CDH13: variants seen among roughly 807,000 people sequenced by gnomAD.
CDH13 encodes the protein cadherin-13.
A neutral mutation model predicts 63.8 loss-of-function variants in CDH13; 24 were observed. That is an observed-to-expected ratio of 0.38 (90% CI 0.27 to 0.53). CDH13 has a LOEUF of 0.53. Among genes scored for constraint, CDH13 ranks in the 20% least tolerant of loss-of-function variants. The pLI is 0.85. For synonymous variants in CDH13, 503 were observed against 355.3 expected (o/e 1.42, Z -4.67); for missense variants, 1,049 against 903.1 (o/e 1.16, Z -2.07).
At chr16:82,917,047 G>A (rs2042011351) in intron 2 of CDH13, among the ~76,000 whole-genome samples, 1 of 152,174 alleles carries the variant, frequency 6.6e-6, no homozygotes, top group Non-Finnish European at 1.5e-5. Context: ...CAAATAAAAG[G>A]GCATAGCCTT....
At chr16:83,304,291 C>G (rs2089822942) in intron 5 of CDH13, among the ~76,000 whole-genome samples, 1 of 152,010 alleles carries the variant, frequency 6.6e-6, no homozygotes, top group Non-Finnish European at 1.5e-5. Flanking sequence ...CTTGAACCAT[C>G]CACTAAATGG....
intron 5 of CDH13, among the ~76,000 whole-genome samples, chr16:83,332,885 G>GA (rs747876891): frequency 7.9e-5 from 12 of 152,076 alleles, no homozygotes; most frequent in South Asian, 6.2e-4. Context: ...ATACACATAA[G>GA]AAAAAATGTT....
chr16:82,645,029 TGTTTCA>T (rs1488044575), intron 1 of CDH13, among the ~76,000 whole-genome samples: 1 of 152,170 alleles, frequency 6.6e-6, no homozygotes, highest in Admixed American at 6.5e-5. Flanking sequence ...GATTGTAGTG[TGTTTCA>T]GTTTCAGAGG....
intron 1 of CDH13, among the ~76,000 whole-genome samples, chr16:82,632,734 G>A (rs1009366822): frequency 1.4e-4 from 21 of 152,102 alleles, no homozygotes; most frequent in African/African-American, 4.8e-4. Context: ...GATGATTCAA[G>A]CACATTACAT....
chr16:83,016,648 C>A (rs1026736604), intron 2 of CDH13, among the ~76,000 whole-genome samples: 6 of 152,110 alleles, frequency 3.9e-5, no homozygotes, highest in Admixed American at 2.0e-4. Flanking sequence ...GGAAGGAGAT[C>A]CATTGTTGCC....
chr16:83,425,507 G>A (rs561233943), intron 6 of CDH13, among the ~76,000 whole-genome samples: 28 of 152,334 alleles, frequency 1.8e-4, no homozygotes, highest in African/African-American at 6.5e-4. Flanking sequence ...TCCAGTTTAT[G>A]CTACCGCATC....
chr16:82,918,021 C>G (rs1276724108), intron 2 of CDH13, among the ~76,000 whole-genome samples: 1 of 151,682 alleles, frequency 6.6e-6, no homozygotes, highest in Non-Finnish European at 1.5e-5. Context: ...CTGACAATTG[C>G]AAATGTTAAA....
intron 6 of CDH13, among the ~76,000 whole-genome samples, chr16:83,474,895 G>C (rs1352941994): frequency 6.6e-6 from 1 of 152,212 alleles, no homozygotes; most frequent in Admixed American, 6.5e-5. Flanking sequence ...GAGGAGCCAA[G>C]TGTTCAGTGA....
At chr16:83,363,710 G>A (rs577313787) in intron 6 of CDH13, among the ~76,000 whole-genome samples, 21 of 152,320 alleles carry the variant, frequency 1.4e-4, no homozygotes, top group South Asian at 4.1e-4. Flanking sequence ...AGGATGTTCC[G>A]TCAGCCTGGC....
At chr16:82,641,786 A>T (rs1236515526) in intron 1 of CDH13, among the ~76,000 whole-genome samples, 1 of 152,186 alleles carries the variant, frequency 6.6e-6, no homozygotes, top group Non-Finnish European at 1.5e-5. Context: ...GGAATACAGA[A>T]ATGAGTAAGA....
intron 1 of CDH13, among the ~76,000 whole-genome samples, chr16:82,715,145 C>G (rs2032271325): frequency 6.6e-6 from 1 of 151,026 alleles, no homozygotes; most frequent in South Asian, 2.1e-4. Flanking sequence ...TTAACTCACT[C>G]AGTTCATGCC....
chr16:83,528,369 C>T (rs2075008497), intron 7 of CDH13, among the ~76,000 whole-genome samples: 2 of 151,992 alleles, frequency 1.3e-5, no homozygotes, highest in South Asian at 4.2e-4. Context: ...ATTATTTTTC[C>T]ATTAAGTCTT....
intron 1 of CDH13, among the ~76,000 whole-genome samples, chr16:82,775,571 C>T (rs1461614337): frequency 3.3e-5 from 5 of 152,148 alleles, no homozygotes; most frequent in Admixed American, 2.6e-4. Context: ...GGGAAAGGTA[C>T]TCTGTTATCC....
intron 1 of CDH13, among the ~76,000 whole-genome samples, chr16:82,683,276 G>T (rs1914740131): frequency 6.6e-6 from 1 of 152,146 alleles, no homozygotes; most frequent in African/African-American, 2.4e-5. Context: ...CAGGAACCTA[G>T]CCTTCTGGTC....
At chr16:83,364,782 G>A (rs1323951439) in intron 6 of CDH13, among the ~76,000 whole-genome samples, 1 of 152,142 alleles carries the variant, frequency 6.6e-6, no homozygotes, top group Non-Finnish European at 1.5e-5. Context: ...GAAGGAAGAA[G>A]AGAGAGAGAG....
intron 2 of CDH13, among the ~76,000 whole-genome samples, chr16:82,870,820 G>C (rs2040318566): frequency 6.6e-6 from 1 of 152,140 alleles, no homozygotes; most frequent in South Asian, 2.1e-4. Flanking sequence ...CTATGTAAAG[G>C]GTTTTGAATA....
intron 4 of CDH13, among the ~76,000 whole-genome samples, chr16:83,126,322 T>C (rs572528009): frequency 6.6e-6 from 1 of 152,302 alleles, no homozygotes; most frequent in African/African-American, 2.4e-5. Context: ...CCTGTCCCCA[T>C]TGGCTGGAGT....
chr16:83,447,810 C>G (rs1051622078), intron 6 of CDH13, among the ~76,000 whole-genome samples: 1 of 150,314 alleles, frequency 6.7e-6, no homozygotes. Context: ...TATTAAATAT[C>G]GACTGTTTGC....
At chr16:83,010,343 C>T (rs1914020944) in intron 2 of CDH13, among the ~76,000 whole-genome samples, 1 of 151,950 alleles carries the variant, frequency 6.6e-6, no homozygotes, top group South Asian at 2.1e-4. Flanking sequence ...AGTTAATACC[C>T]CTCCCACCTG....
Sources: gnomAD v4.1 joint callset for allele counts (sites outside exome capture counted in the v4.1 genomes callset) on GRCh38, gnomAD v4.1.1 for gene constraint, MANE v1.5 for transcripts, NCBI Gene and HGNC (gene_info 2026-07-23, HGNC 2026-07-21) for gene names.